The following ZC3H12C variants were observed in gnomAD, a reference collection of about 807,000 sequenced individuals.
The protein encoded by ZC3H12C is probable ribonuclease ZC3H12C.
In ZC3H12C, 20 loss-of-function variants were observed where a neutral mutation model predicts 76.3. That is an observed-to-expected ratio of 0.26 (90% confidence interval 0.18 to 0.38). The LOEUF is 0.38. Among genes scored for constraint, ZC3H12C ranks in the 10% least tolerant of loss-of-function variants. The pLI is 1.00. For synonymous variants in ZC3H12C, 352 were observed against 399.6 expected (o/e 0.88, Z 1.42); for missense variants, 874 against 1,086.5 (o/e 0.80, Z 2.75).
In ZC3H12C at chr11:110,163,263, T is replaced by G; in HGVS notation, c.1149-10T>G. The G allele has an allele frequency of 6.2e-7, 1 of 1,604,696 alleles. No individual in the cohort carries two copies. The highest frequency in any genetic ancestry group is 8.5e-7 in the Non-Finnish European group (1 of 1,174,948). On this transcript the variant is annotated splice_polypyrimidine_tract_variant and intron_variant, in intron 4 of 5. Coordinates refer to ENST00000278590, the MANE Select transcript of ZC3H12C (RefSeq NM_033390.2). ...ACTTAGGTATCATTTTTTTATTATC[T>G]CCATGACAGGTTCATGCCCCCTGAT...
Position 110,137,284 on chromosome 11 carries a change from A to C in ZC3H12C, c.643A>C (p.Ile215Leu). Residue 215 changes from isoleucine (I) to leucine (L), a missense_variant, in exon 2 of 6, where the codon ATT (isoleucine) becomes CTT (leucine). Ile to Leu is a conservative substitution (Grantham distance 5). Around this residue, in one of 3 missense-constraint regions of ZC3H12C, gnomAD observed 269 missense variants for 424.9 expected, o/e 0.63. Transcript: ENST00000278590. ...TGAGGCTGATCAAACGGTTAGTACA[A>C]TTAACACTATAACACGGGAAACTTC... The part of the protein sequence containing the change: ...KSEADQTVST[I>L]NTITRETSSL... 1 of 1,613,974 alleles carries C rather than the reference A, an allele frequency of 6.2e-7. No homozygotes were observed. Among genetic ancestry groups the C allele is most frequent in the Non-Finnish European group, 8.5e-7 (1 of 1,179,886 alleles).
chr11:110,128,545 A>C (rs12363258), intron 1 of ZC3H12C, among the ~76,000 whole-genome samples: 1 of 151,324 alleles, frequency 6.6e-6, no homozygotes, highest in African/African-American at 2.4e-5. Flanking sequence ...GTAGCAAGGG[A>C]TAAAGAGAAG....
intron 2 of ZC3H12C, among the ~76,000 whole-genome samples, chr11:110,140,220 G>A (rs949934958): frequency 6.6e-6 from 1 of 152,078 alleles, no homozygotes; most frequent in African/African-American, 2.4e-5. Context: ...AGCCTGGAAG[G>A]TGGAGGCTGC....
chr11:110,094,023 TTCA>T (rs1194504289), intron 1 of ZC3H12C, among the ~76,000 whole-genome samples: 17 of 151,956 alleles, frequency 1.1e-4, no homozygotes, highest in Admixed American at 1.1e-3. Flanking sequence ...ACACGCTGCG[TTCA>T]TTTTAGCTCG....
At position 110,164,250 on chromosome 11, in the gene ZC3H12C, G is replaced by A; in HGVS notation, c.1256-91G>A. 1 of 1,174,884 alleles carries A rather than the reference G, an allele frequency of 8.5e-7. No homozygotes were observed. Among genetic ancestry groups the A allele is most frequent in the Non-Finnish European group, 1.2e-6 (1 of 857,294 alleles). The allele number at this position is 1,174,884 out of a possible 1,614,324, so 72.8% of individuals were successfully genotyped here. A position where few individuals can be genotyped will look rare whatever the true frequency, so the allele number is the denominator to read the frequency against. On this transcript the variant is annotated intron_variant, in intron 5 of 5. Transcript: ENST00000278590. This position sits in a 1 kb window ranked among gnomAD's most constrained non-coding sequence, Gnocchi z 5.7. Reference sequence around the variant, plus strand: ...TAGCACAGCTCCCATTTCTATCGTTGTCTCTTCTACAAGTTAAAATCATAG... The same window carrying A: ...TAGCACAGCTCCCATTTCTATCGTTATCTCTTCTACAAGTTAAAATCATAG...
chr11:110,142,223 C>CTAAGTACA (rs1243051987), intron 2 of ZC3H12C, among the ~76,000 whole-genome samples: 1 of 152,158 alleles, frequency 6.6e-6, no homozygotes, highest in African/African-American at 2.4e-5. Flanking sequence ...CTTTATAATT[C>CTAAGTACA]TAAGTACATA....
rs140099770 is a variant in ZC3H12C, at chr11:110,156,222, A to G, written c.914-3034A>G. Among the ~76,000 whole-genome samples, 27 of 152,246 alleles carry G rather than the reference A, an allele frequency of 1.8e-4. 1 individual carries two copies. The highest frequency in any genetic ancestry group is 6.3e-4 in the African/African-American group (26 of 41,516). On this transcript the variant is annotated intron_variant, in intron 3 of 5. Coordinates refer to ENST00000278590, the MANE Select transcript of ZC3H12C (RefSeq NM_033390.2). ...TCTCTTAACTAAAACCCTGAACCAGATAATACCTGATAAATTGAGTAGCCC... is the reference window on the plus strand; with the variant it reads ...TCTCTTAACTAAAACCCTGAACCAGGTAATACCTGATAAATTGAGTAGCCC...
chr11:110,125,264 C>T (rs1314899086), intron 1 of ZC3H12C, among the ~76,000 whole-genome samples: 1 of 147,630 alleles, frequency 6.8e-6, no homozygotes, highest in Non-Finnish European at 1.5e-5. Context: ...TATAGGATCT[C>T]TCACTAGTGT....
chr11:110,125,394 T>A (rs1307497168), intron 1 of ZC3H12C, among the ~76,000 whole-genome samples: 31 of 151,810 alleles, frequency 2.0e-4, no homozygotes, highest in Admixed American at 2.0e-3. Flanking sequence ...TGATCTTGGC[T>A]CCCTGCAACC....
intron 1 of ZC3H12C, among the ~76,000 whole-genome samples, chr11:110,119,302 T>C: frequency 6.6e-6 from 1 of 152,148 alleles, no homozygotes; most frequent in East Asian, 1.9e-4. Flanking sequence ...CCTAAAACCT[T>C]GCTACTTAAA....
At position 110,164,914 on chromosome 11, in the gene ZC3H12C, G is replaced by A; in HGVS notation, c.1829G>A (p.Arg610His). ...SLSGPRSPER[R>H]FSLDTDYRIS... Reference sequence around the variant, plus strand: ...TCAGGCCCACGAAGCCCTGAAAGGCGTTTCTCCTTAGACACAGATTATAGA... The same window carrying A: ...TCAGGCCCACGAAGCCCTGAAAGGCATTTCTCCTTAGACACAGATTATAGA... The change falls in exon 6 of 6, where the codon CGT becomes CAT. Residue 610 changes from arginine to histidine, a missense_variant. Coordinates refer to ENST00000278590, the MANE Select transcript of ZC3H12C (RefSeq NM_033390.2). This position sits in a 1 kb window ranked among gnomAD's most constrained non-coding sequence, Gnocchi z 5.7. 1.9e-6 allele frequency: 3 copies of A among 1,613,994 alleles called. No individual in the cohort carries two copies. Among genetic ancestry groups the A allele is most frequent in the South Asian group, 1.1e-5 (1 of 91,082 alleles).
chr11:110,163,120 A>G (rs1862510644), intron 4 of ZC3H12C, among the ~76,000 whole-genome samples, 153 bp from the exon 5 acceptor site: 1 of 152,238 alleles, frequency 6.6e-6, no homozygotes, highest in South Asian at 2.1e-4. Context: ...TCATTTACTG[A>G]TTTCTTTTTT....
chr11:110,142,596 C>A (rs766732015), intron 2 of ZC3H12C, among the ~76,000 whole-genome samples: 1 of 152,106 alleles, frequency 6.6e-6, no homozygotes, highest in Non-Finnish European at 1.5e-5. Context: ...CCTTTCAATT[C>A]TCAAAGCTAC....
intron 1 of ZC3H12C, among the ~76,000 whole-genome samples, chr11:110,095,592 T>C (rs1309015060): frequency 6.6e-6 from 1 of 152,218 alleles, no homozygotes; most frequent in Non-Finnish European, 1.5e-5. Flanking sequence ...AATTACTTAT[T>C]ATCACTCTAG....
In ZC3H12C at chr11:110,117,972, CATAT is replaced by C. The variant is rs373106739; in HGVS notation, c.22-18686_22-18683del. 1.0e-4 allele frequency among the ~76,000 whole-genome samples: 7 copies of C among 67,258 alleles called. 1 individual carries two copies. Among genetic ancestry groups the C allele is most frequent in the South Asian group, 4.4e-4 (1 of 2,272 alleles). 44.1% of individuals were successfully genotyped at this position (67,258 alleles called of 152,430 possible). ...ATATACACACACATATATACACACACATATATATTATATATATACACACATATAT... is the reference window on the plus strand; with the variant it reads ...ATATACACACACATATATACACACACATATTATATATATACACACATATAT... On this transcript the variant is annotated intron_variant, in intron 1 of 5. Transcript: ENST00000278590.
intron 1 of ZC3H12C, among the ~76,000 whole-genome samples, chr11:110,129,135 G>GT (rs1861813905): frequency 1.3e-5 from 2 of 152,066 alleles, no homozygotes; most frequent in South Asian, 4.1e-4. Context: ...TTAGAAATTA[G>GT]TTTGTCATTC....
intron 1 of ZC3H12C, among the ~76,000 whole-genome samples, chr11:110,129,076 T>G (rs1282399681): frequency 6.6e-6 from 1 of 152,136 alleles, no homozygotes; most frequent in Non-Finnish European, 1.5e-5. Flanking sequence ...CCTTAACTAT[T>G]TCAGTAATAT....
chr11:110,118,356 T>G (rs1476354403), intron 1 of ZC3H12C, among the ~76,000 whole-genome samples: 1 of 152,002 alleles, frequency 6.6e-6, no homozygotes, highest in East Asian at 1.9e-4. Context: ...CACTGAGACA[T>G]GTAAATCTTT....
chr11:110,143,799 AGG>A, intron 2 of ZC3H12C, among the ~76,000 whole-genome samples: 1 of 152,322 alleles, frequency 6.6e-6, no homozygotes, highest in South Asian at 2.1e-4. Context: ...CCAGGATTAC[AGG>A]CGTGAGCCAC....
Sources: allele counts gnomAD v4.1 joint callset (sites outside exome capture counted in the v4.1 genomes callset), GRCh38; gene constraint gnomAD v4.1.1; regional missense constraint gnomAD v4.1.1; non-coding constraint Gnocchi (gnomAD v3.1); transcripts MANE v1.5; gene names NCBI Gene and HGNC (gene_info 2026-07-23, HGNC 2026-07-21).